TRIP12: variants seen among roughly 807,000 people sequenced by gnomAD.
TRIP12 encodes the protein thyroid hormone receptor interactor 12, also known as E3 ubiquitin-protein ligase TRIP12.
Under a neutral mutation model 244.2 loss-of-function variants are expected in TRIP12, and 25 were observed. The observed-to-expected ratio is 0.10, with a 90% confidence interval of 0.07 to 0.14. The LOEUF (loss-of-function observed/expected upper bound fraction) is 0.14, where lower values mean the gene tolerates loss of function less well. Ranked by LOEUF, TRIP12 falls within the 10% of genes least tolerant of loss-of-function variation. The pLI, the probability that TRIP12 is intolerant of heterozygous loss-of-function variation, is 1.00. For synonymous variants in TRIP12, 905 were observed against 873.1 expected, an observed-to-expected ratio of 1.04 and a Z score of -0.64; for missense variants, 1,677 against 2,486.4, an observed-to-expected ratio of 0.67 and a Z score of 6.92.
chr2:229,859,286 T>C lies in TRIP12; in HGVS notation c.513A>G (p.Ser171=). The change falls in exon 4 of 42, where the codon TCA becomes TCG. Residue 171 remains serine, a synonymous_variant. Coordinates refer to ENST00000675903, the MANE Select transcript of TRIP12 (RefSeq NM_001348323.3). The stretch of plus-strand genomic sequence containing the variant: ...TCTTCCTGGTATGAGCCTTGCTTGT[T>C]GATGGTGATTGTGCAGATTTCAGTT... ...EQQLKSAQSP[S]TSKAHTRKSG... The C allele has an allele frequency of 6.2e-7, 1 of 1,614,226 alleles. No individual in the cohort carries two copies. Among genetic ancestry groups the C allele is most frequent in the Non-Finnish European group, 8.5e-7 (1 of 1,180,042 alleles).
chr2:229,877,807 A>T (rs2063906910), intron 2 of TRIP12, among the ~76,000 whole-genome samples: 1 of 152,244 alleles, frequency 6.6e-6, no homozygotes, highest in Non-Finnish European at 1.5e-5. Context: ...AACCAATGTC[A>T]ACAGCACACG....
intron 3 of TRIP12, 34 bp downstream of exon 3, chr2:229,860,372 G>A (rs2060267003): frequency 3.2e-6 from 5 of 1,579,758 alleles, no homozygotes; most frequent in Non-Finnish European, 3.4e-6. Context: ...AAATAATTCT[G>A]CCTTGAAAAT....
chr2:229,806,327 TA>T (rs1340277075), intron 17 of TRIP12, among the ~76,000 whole-genome samples: 1 of 151,906 alleles, frequency 6.6e-6, no homozygotes, highest in Admixed American at 6.5e-5. Flanking sequence ...AATGATCCTA[TA>T]AAATTGTCCT....
chr2:229,858,148 G>T (rs546259227), intron 4 of TRIP12, among the ~76,000 whole-genome samples: 4 of 152,148 alleles, frequency 2.6e-5, no homozygotes, highest in Non-Finnish European at 4.4e-5. Context: ...CAGATCACTT[G>T]AGGTCAGAAG....
intron 34 of TRIP12, among the ~76,000 whole-genome samples, chr2:229,779,980 C>T (rs2037569049): frequency 6.6e-6 from 1 of 152,170 alleles, no homozygotes. Context: ...TAACTGTAAC[C>T]CTGTCAAGAA....
At chr2:229,784,140 A>C (rs2039256971) in intron 34 of TRIP12, among the ~76,000 whole-genome samples, 1 of 151,558 alleles carries the variant, frequency 6.6e-6, no homozygotes, top group Non-Finnish European at 1.5e-5. Context: ...AAAAGAAAAA[A>C]AAAAAAAGGA....
rs773468225 is a variant in TRIP12 at position 229,811,160 on chromosome 2, T to C, written c.2031A>G (p.Leu677=). ...VESTCLCFAR[L]VDNFQHEENL... ...CCTCCTCATGCTGGAAGTTGTCCAC[T>C]AGGCGTGCAAAACAAAGGCAAGTGC... Residue 677 remains leucine (L), a synonymous_variant, in exon 14 of 42, where the codon CTA becomes CTG. Transcript: ENST00000675903. 5.0e-6 allele frequency: 8 copies of C among 1,614,092 alleles called. No homozygotes were observed. The highest frequency in any genetic ancestry group is 2.2e-5 in the South Asian group (2 of 91,062).
intron 1 of TRIP12, among the ~76,000 whole-genome samples, chr2:229,894,755 C>T (rs1312838549): frequency 1.3e-5 from 2 of 152,170 alleles, no homozygotes; most frequent in South Asian, 2.1e-4. Flanking sequence ...CTTAACGCAG[C>T]GATGCTCAGT....
At chr2:229,818,335 T>TA in intron 9 of TRIP12, 29 bp downstream of exon 9, 1 of 1,609,768 alleles carries the variant, frequency 6.2e-7, no homozygotes. Context: ...ACAAATGAGG[T>TA]AAAAACGAGG....
At chr2:229,796,475 A>G (rs2042846662) in intron 25 of TRIP12, 116 bp downstream of exon 25, 2 of 837,286 alleles carry the variant, frequency 2.4e-6, no homozygotes, top group Non-Finnish European at 3.4e-6. Context: ...GAAAACCTAG[A>G]AGTTTTCCCT....
intron 5 of TRIP12, among the ~76,000 whole-genome samples, chr2:229,837,552 C>T (rs903338207): frequency 2.6e-5 from 4 of 151,958 alleles, no homozygotes; most frequent in African/African-American, 4.8e-5. Context: ...AAAAATTGCT[C>T]GAACCCGGGA....
chr2:229,898,289 G>C (rs930911233), intron 1 of TRIP12, among the ~76,000 whole-genome samples: 1 of 152,152 alleles, frequency 6.6e-6, no homozygotes, highest in African/African-American at 2.4e-5. Context: ...ATTGACATTA[G>C]TGTAAACTTG....
At chr2:229,794,028 T>A (rs2042193483) in intron 26 of TRIP12, among the ~76,000 whole-genome samples, 1 of 152,128 alleles carries the variant, frequency 6.6e-6, no homozygotes, top group Non-Finnish European at 1.5e-5. Flanking sequence ...TATGCAAACA[T>A]ATTTTATATA....
chr2:229,808,005 G>A lies in TRIP12; in HGVS notation c.2340-141C>T, dbSNP rs111517482. The A allele has an allele frequency of 1.1e-4, 103 of 930,464 alleles. 2 individuals are homozygous for A. The African/African-American group carries it at 1.1e-3, about 10-fold the overall frequency. The allele number at this position is 930,464 out of a possible 1,614,324, so 57.6% of individuals were successfully genotyped here. On this transcript the variant is annotated intron_variant, in intron 16 of 41. Transcript: ENST00000675903. ...TTTGGAGACAGAGTCTCACTCTGTC[G>A]CCCAGGCTGGATGGCAGTGGCACGA...
rs1252091439 is a variant in TRIP12 at position 229,859,465 on chromosome 2, G to T, written c.334C>A (p.Arg112=). 1 of 1,614,128 alleles carries T rather than the reference G, an allele frequency of 6.2e-7. No individual in the cohort carries two copies. Among genetic ancestry groups the T allele is most frequent in the Non-Finnish European group, 8.5e-7 (1 of 1,180,032 alleles). Reference sequence around the variant, plus strand: ...GGACTAGCACTGCGCTTCACTCCTCGAGAATTGTCTTTCTTAGGCACCTGC... The same window carrying T: ...GGACTAGCACTGCGCTTCACTCCTCTAGAATTGTCTTTCTTAGGCACCTGC... ...TGQVPKKDNS[R]GVKRSASPDY... Residue 112 remains arginine (R), a synonymous_variant, in exon 4 of 42, where the codon CGA becomes AGA. Coordinates refer to ENST00000675903, the MANE Select transcript of TRIP12 (RefSeq NM_001348323.3).
chr2:229,864,004 A>AGAGAGAGAGAG (rs1559954221), intron 2 of TRIP12, among the ~76,000 whole-genome samples: 5 of 81,338 alleles, frequency 6.1e-5, no homozygotes, highest in African/African-American at 1.7e-4. Context: ...ATTTGGGTGA[A>AGAGAGAGAGAG]AGAGAGAGAG....
At chr2:229,857,322 A>AGGG (rs1559897757) in intron 4 of TRIP12, among the ~76,000 whole-genome samples, 1 of 152,128 alleles carries the variant, frequency 6.6e-6, no homozygotes, top group Non-Finnish European at 1.5e-5. Flanking sequence ...TGTCCTTTAT[A>AGGG]GGTTTCTGAA....
At chr2:229,874,303 A>G (rs1390803388) in intron 2 of TRIP12, among the ~76,000 whole-genome samples, 1 of 152,154 alleles carries the variant, frequency 6.6e-6, no homozygotes, top group East Asian at 1.9e-4. Context: ...ATTGACTAGG[A>G]TTTGGCAAAA....
Position 229,810,722 on chromosome 2 carries a change from T to C in TRIP12, c.2221+158A>G, listed in dbSNP as rs939298600. Among the ~76,000 whole-genome samples the C allele has an allele frequency of 2.0e-5, 3 of 152,234 alleles. No individual in the cohort carries two copies. The South Asian group carries it at 6.2e-4, about 32-fold the overall frequency. ...GAGTATGTTAGAAACATTAACATACTGTCCCAACACAAATTTATTACATAT... is the reference window on the plus strand; with the variant it reads ...GAGTATGTTAGAAACATTAACATACCGTCCCAACACAAATTTATTACATAT... On this transcript the variant is annotated intron_variant, in intron 15 of 41. Transcript: ENST00000675903.
Sources: gnomAD v4.1 joint callset for allele counts (sites outside exome capture counted in the v4.1 genomes callset) on GRCh38, gnomAD v4.1.1 for gene constraint, MANE v1.5 for transcripts, NCBI Gene and HGNC (gene_info 2026-07-23, HGNC 2026-07-21) for gene names.